Variants in ESR1 observed in about 807,000 individuals in gnomAD.
ESR1 encodes the protein estrogen receptor 1, also known as estrogen receptor.
ESR1 carries 12 observed loss-of-function variants against 52.7 expected under a neutral mutation model. The observed-to-expected ratio is 0.23, with a 90% CI of 0.15 to 0.37. ESR1 has a LOEUF of 0.37. Among genes scored for constraint, ESR1 ranks in the 10% least tolerant of loss-of-function variants. The probability of loss-of-function intolerance (pLI) is 1.00; values close to 1 mark genes in which losing one functional copy is unlikely to be tolerated. For synonymous variants in ESR1, 305 were observed against 316.8 expected, an observed-to-expected ratio of 0.96 and a Z score of 0.39; for missense variants, 584 against 779.7, an observed-to-expected ratio of 0.75 and a Z score of 2.99.
intron 1 of ESR1, among the ~76,000 whole-genome samples, chr6:151,682,603 A>G (rs1778501851): frequency 6.6e-6 from 1 of 152,250 alleles, no homozygotes; most frequent in African/African-American, 2.4e-5. Context: ...GAAAAGGAAA[A>G]CTAATAGGCA....
At chr6:151,892,824 A>G (rs578017322) in intron 3 of ESR1, among the ~76,000 whole-genome samples, 1 of 152,176 alleles carries the variant, frequency 6.6e-6, no homozygotes, top group Non-Finnish European at 1.5e-5. Flanking sequence ...GTCTTTTTGG[A>G]AATTACAGAA....
At chr6:151,718,528 A>T (rs185016224) in intron 2 of ESR1, among the ~76,000 whole-genome samples, 3 of 152,358 alleles carry the variant, frequency 2.0e-5, no homozygotes, top group African/African-American at 7.2e-5. Flanking sequence ...GTGAAAAATT[A>T]TACCAGGACT....
At chr6:151,726,683 A>G (rs1483780101) in intron 2 of ESR1, among the ~76,000 whole-genome samples, 1 of 152,234 alleles carries the variant, frequency 6.6e-6, no homozygotes, top group Admixed American at 6.5e-5. Flanking sequence ...ACTACATAGA[A>G]ATACAATAGA....
At chr6:152,055,615 G>T (rs568583986) in intron 5 of ESR1, among the ~76,000 whole-genome samples, 1 of 152,154 alleles carries the variant, frequency 6.6e-6, no homozygotes, top group African/African-American at 2.4e-5. Flanking sequence ...CTTTGATCTT[G>T]CTCCATTCCC....
At chr6:151,950,018 A>G (rs555656436) in intron 4 of ESR1, among the ~76,000 whole-genome samples, 10 of 152,258 alleles carry the variant, frequency 6.6e-5, no homozygotes, top group African/African-American at 2.4e-4. Context: ...GGTCTTTCCC[A>G]TGTTCCTGTG....
downstream of ESR1, among the ~76,000 whole-genome samples, chr6:152,104,668 C>T (rs1464897953): frequency 6.6e-6 from 1 of 152,150 alleles, no homozygotes; most frequent in African/African-American, 2.4e-5. Context: ...CTCTTGTAGA[C>T]AGGGGTGCTA....
chr6:151,718,826 G>A lies in ESR1; in HGVS notation c.-71+16821G>A, dbSNP rs549292027. 8.5e-5 allele frequency among the ~76,000 whole-genome samples: 13 copies of A among 152,274 alleles called. No individual in the cohort carries two copies. In the Middle Eastern group the frequency reaches 0.031, roughly 359 times the overall value. On this transcript the variant is annotated intron_variant, in intron 2 of 2. Coordinates refer to the ESR1 transcript ENST00000404742. ...CTTTGTTCTCCCTGTTTTCAGATGA[G>A]TGTCTATTTGTGGCTCTACCTTTTC...
At chr6:151,829,461 C>T (rs748337256) in intron 1 of ESR1, among the ~76,000 whole-genome samples, 9 of 152,084 alleles carry the variant, frequency 5.9e-5, no homozygotes, top group African/African-American at 1.7e-4. Flanking sequence ...GCATTAGAAA[C>T]GCAATGGCTA....
At chr6:152,122,254 C>G (rs12681) in intron 6 of ESR1, 1 of 873,904 alleles carries the variant, frequency 1.1e-6, no homozygotes, top group Non-Finnish European at 1.8e-6. Context: ...TTTGTTCCCC[C>G]GTCACTGTTT....
At chr6:151,685,693 T>C (rs1778638329), upstream of ESR1, among the ~76,000 whole-genome samples, 1 of 152,250 alleles carries the variant, frequency 6.6e-6, no homozygotes, top group African/African-American at 2.4e-5. Flanking sequence ...AATAATGTTT[T>C]TGCTTTAAAT....
chr6:151,743,292 A>G (rs145437532), intron 2 of ESR1, among the ~76,000 whole-genome samples: 22 of 152,260 alleles, frequency 1.4e-4, no homozygotes, highest in African/African-American at 5.1e-4. Flanking sequence ...CTTAGACTGC[A>G]GTAGAGACAT....
intron 4 of ESR1, among the ~76,000 whole-genome samples, chr6:151,958,532 G>C (rs3003922): frequency 0.72 from 109,000 of 152,124 alleles, 40,011 homozygotes; most frequent in Middle Eastern, 0.85. Context: ...AGAAAGTATT[G>C]CAGGATGTGG....
chr6:151,923,798 T>C (rs1243372830), intron 3 of ESR1, among the ~76,000 whole-genome samples: 1 of 152,264 alleles, frequency 6.6e-6, no homozygotes, highest in Non-Finnish European at 1.5e-5. Flanking sequence ...TGTGCATGTG[T>C]ATTTTCAAAT....
At chr6:151,670,336 T>C (rs1474383756) in intron 1 of ESR1, among the ~76,000 whole-genome samples, 5 of 152,212 alleles carry the variant, frequency 3.3e-5, no homozygotes. Context: ...TACCCGTTTT[T>C]CCATCTTTAC....
intron 6 of ESR1, chr6:152,118,391 T>C (rs1032237733): frequency 6.6e-6 from 1 of 152,158 alleles, no homozygotes; most frequent in African/African-American, 2.4e-5. Context: ...AAAGAAAATG[T>C]GGCATGAATA....
chr6:152,087,322 G>T (rs1334907776), intron 6 of ESR1, among the ~76,000 whole-genome samples: 1 of 152,122 alleles, frequency 6.6e-6, no homozygotes, highest in East Asian at 1.9e-4. Flanking sequence ...GGCCACAAAA[G>T]GAGGTATACA....
intron 5 of ESR1, among the ~76,000 whole-genome samples, chr6:152,056,143 C>T (rs2128941297): frequency 6.6e-6 from 1 of 152,238 alleles, no homozygotes; most frequent in East Asian, 1.9e-4. Flanking sequence ...TTACAATTTC[C>T]ATCTTCATCA....
chr6:151,872,965 C>T (rs1003801463), intron 2 of ESR1, among the ~76,000 whole-genome samples: 3 of 152,136 alleles, frequency 2.0e-5, no homozygotes, highest in Non-Finnish European at 4.4e-5. Flanking sequence ...GTATTTGTCT[C>T]GTAGATATGT....
intron 2 of ESR1, among the ~76,000 whole-genome samples, chr6:151,847,789 G>A (rs1785407609): frequency 7.0e-6 from 1 of 142,884 alleles, no homozygotes. Context: ...CATTGCTTTT[G>A]GTGTTTTGGA....
Sources: allele counts gnomAD v4.1 joint callset (sites outside exome capture counted in the v4.1 genomes callset), GRCh38; gene constraint gnomAD v4.1.1; transcripts MANE v1.5; gene names NCBI Gene and HGNC (gene_info 2026-07-23, HGNC 2026-07-21).